The following DPM1 variants were observed in gnomAD, a reference collection of about 807,000 sequenced individuals.
DPM1 encodes dolichyl-phosphate mannosyltransferase subunit 1, catalytic.
Under a neutral mutation model 39.0 loss-of-function variants are expected in DPM1, and 27 were observed. The ratio of observed to expected loss-of-function variants is 0.69; its 90% confidence interval spans 0.51 to 0.95. The LOEUF (loss-of-function observed/expected upper bound fraction) is 0.95, where lower values mean the gene tolerates loss of function less well. Ranked by LOEUF, DPM1 falls within the 40% of genes least tolerant of loss-of-function variation. The pLI is 0.00. For synonymous variants in DPM1, 124 were observed against 109.0 expected, an observed-to-expected ratio of 1.14 and a Z score of -0.86; for missense variants, 307 against 315.6, an observed-to-expected ratio of 0.97 and a Z score of 0.21.
chr20:50,948,708 TATC>T (rs771823278), intron 2 of DPM1, 46 bp from the exon 3 acceptor site: 68 of 1,554,398 alleles, frequency 4.4e-5, no homozygotes, highest in Admixed American at 2.7e-4. Context: ...ACAGAAATCT[TATC>T]ATGTTAAATT....
rs1259475815 is a variant in DPM1, at chr20:50,934,889, A to G, written c.*243T>C. 3.2e-6 allele frequency: 1 copy of G among 313,208 alleles called. No individual in the cohort carries two copies. Among genetic ancestry groups the G allele is most frequent in the Non-Finnish European group, 5.9e-6 (1 of 168,656 alleles). The allele number at this position is 313,208 out of a possible 1,614,324, so 19.4% of individuals were successfully genotyped here. The stretch of plus-strand genomic sequence containing the variant: ...CAATACTTTATGCAAAAAAAAATAT[A>G]CATTTATTTATAGGTCTCAATACAG... On this transcript the variant is annotated 3_prime_UTR_variant, in exon 9 of 9. Coordinates refer to ENST00000371588, the MANE Select transcript of DPM1 (RefSeq NM_003859.3).
intron 5 of DPM1, among the ~76,000 whole-genome samples, chr20:50,942,503 C>CAA (rs11484450): frequency 1.1e-3 from 141 of 128,764 alleles, no homozygotes; most frequent in Admixed American, 2.9e-3. Context: ...GACTCCATCT[C>CAA]AAAAAAAAAA....
rs185629366 is a variant in DPM1, at chr20:50,938,246, T to C, written c.564-1984A>G. 2.8e-4 allele frequency among the ~76,000 whole-genome samples: 42 copies of C among 152,298 alleles called. 1 individual carries two copies. The highest frequency in any genetic ancestry group is 8.2e-4 in the African/African-American group (34 of 41,562). On this transcript the variant is annotated intron_variant, in intron 7 of 8. Coordinates refer to ENST00000371588, the MANE Select transcript of DPM1 (RefSeq NM_003859.3). The stretch of plus-strand genomic sequence containing the variant: ...AGCCTTTCCAGGATTCCTTTTCTTA[T>C]TTTGTAAAAAGCACCTTCTTCCTAA...
At chr20:50,937,648 C>A (rs1252819644) in intron 7 of DPM1, among the ~76,000 whole-genome samples, 1 of 151,876 alleles carries the variant, frequency 6.6e-6, no homozygotes, top group Non-Finnish European at 1.5e-5. Flanking sequence ...CTCTGTTGCC[C>A]AGAGTACAGT....
chr20:50,958,301 G>T, intron 1 of DPM1, 62 bp downstream of exon 1: 1 of 1,596,080 alleles, frequency 6.3e-7, no homozygotes, highest in South Asian at 1.1e-5. Flanking sequence ...GCCAGCTGCC[G>T]ACACCCGGGC....
intron 7 of DPM1, among the ~76,000 whole-genome samples, chr20:50,936,580 T>C (rs558663208): frequency 3.3e-5 from 5 of 152,328 alleles, no homozygotes; most frequent in African/African-American, 1.2e-4. Flanking sequence ...CATCCATTAT[T>C]TAAGATTTCC....
At chr20:50,944,065 A>G (rs1203599881) in intron 5 of DPM1, among the ~76,000 whole-genome samples, 1 of 152,148 alleles carries the variant, frequency 6.6e-6, no homozygotes, top group Non-Finnish European at 1.5e-5. Flanking sequence ...TAATTCTAAC[A>G]CATATTTTCC....
intron 2 of DPM1, 96 bp downstream of exon 2, chr20:50,955,090 T>G: frequency 9.7e-7 from 1 of 1,028,196 alleles, no homozygotes; most frequent in Non-Finnish European, 1.5e-6. Flanking sequence ...CTTTTCAGTT[T>G]CTAAACAAAT....
At chr20:50,936,118 A>G (rs1183663268) in intron 8 of DPM1, 30 bp downstream of exon 8, 2 of 1,488,628 alleles carry the variant, frequency 1.3e-6, no homozygotes, top group Admixed American at 3.3e-5. Context: ...TACCAGGAAC[A>G]TGACACACTA....
intron 6 of DPM1, 63 bp downstream of exon 6, chr20:50,941,968 T>A (rs1985867770): frequency 7.2e-7 from 1 of 1,383,856 alleles, no homozygotes; most frequent in South Asian, 1.2e-5. Context: ...CTAATCCAAA[T>A]ACTTGCTATG....
At chr20:50,946,934 C>T (rs1040611913) in intron 3 of DPM1, among the ~76,000 whole-genome samples, 4 of 152,020 alleles carry the variant, frequency 2.6e-5, no homozygotes, top group African/African-American at 4.8e-5. Flanking sequence ...ATTGGCCAGG[C>T]GCAGTGGCTC....
At chr20:50,948,291 C>A (rs958275435) in intron 3 of DPM1, among the ~76,000 whole-genome samples, 2 of 152,142 alleles carry the variant, frequency 1.3e-5, no homozygotes, top group African/African-American at 4.8e-5. Flanking sequence ...CTCTTCCTGC[C>A]GTTGCTCCAT....
chr20:50,949,382 A>G (rs1179751989), intron 2 of DPM1, among the ~76,000 whole-genome samples: 3 of 152,096 alleles, frequency 2.0e-5, no homozygotes, highest in Admixed American at 6.6e-5. Context: ...TTGAATACTA[A>G]TATCACTCTT....
chr20:50,947,631 G>A (rs1489909017), intron 3 of DPM1, among the ~76,000 whole-genome samples: 1 of 152,148 alleles, frequency 6.6e-6, no homozygotes, highest in Non-Finnish European at 1.5e-5. Flanking sequence ...AGCTGGAAAA[G>A]CTTCCTTTTT....
At chr20:50,948,477 C>G (rs945997499) in intron 3 of DPM1, 152 bp downstream of exon 3, 1 of 835,334 alleles carries the variant, frequency 1.2e-6, no homozygotes. Context: ...TACAGGCGAC[C>G]CAAGTTATAC....
At chr20:50,946,731 C>A (rs1436106442) in intron 3 of DPM1, among the ~76,000 whole-genome samples, 1 of 152,192 alleles carries the variant, frequency 6.6e-6, no homozygotes, top group Non-Finnish European at 1.5e-5. Flanking sequence ...AGACCCCTCA[C>A]AAGTGTCTTA....
chr20:50,941,786 C>A (rs1985849201), intron 6 of DPM1, among the ~76,000 whole-genome samples: 1 of 152,118 alleles, frequency 6.6e-6, no homozygotes, highest in Non-Finnish European at 1.5e-5. Context: ...AGGTCCAGTA[C>A]AGTAACTTTT....
intron 5 of DPM1, among the ~76,000 whole-genome samples, chr20:50,942,954 G>C (rs1262178138): frequency 2.6e-5 from 4 of 152,186 alleles, no homozygotes; most frequent in Admixed American, 2.0e-4. Context: ...TAGGCAGGTG[G>C]ATCACTTGAG....
chr20:50,958,432 A>T lies in DPM1; in HGVS notation c.92T>A (p.Leu31Ter). ...GTTCTCGCGCTCGTTGTAGGTAGGT[A>T]AAAGCACCGAATATTTGTTCTGTCG... is the stretch of plus-strand genomic sequence containing the variant. Reference protein sequence around the residue: ...SPRQNKYSVLLPTYNERENLP... With the variant: ...SPRQNKYSVL The change falls in exon 1 of 9, where the codon TTA becomes TAA. Residue 31 changes from leucine (L) to a stop codon, truncating the protein, a stop_gained. Coordinates refer to ENST00000371588, the MANE Select transcript of DPM1 (RefSeq NM_003859.3). LOFTEE classifies it high-confidence loss of function. 5 of 1,614,108 alleles carry T rather than the reference A, an allele frequency of 3.1e-6. No homozygotes were observed. The highest frequency in any genetic ancestry group is 4.5e-5 in the East Asian group (2 of 44,860).
Sources: allele counts gnomAD v4.1 joint callset (sites outside exome capture counted in the v4.1 genomes callset), GRCh38; gene constraint gnomAD v4.1.1; transcripts MANE v1.5; gene names NCBI Gene and HGNC (gene_info 2026-07-23, HGNC 2026-07-21).